ANKRD44: variants seen among roughly 807,000 people sequenced by gnomAD.
The protein encoded by ANKRD44 is serine/threonine-protein phosphatase 6 regulatory ankyrin repeat subunit B.
Under a neutral mutation model 116.0 loss-of-function variants are expected in ANKRD44, and 35 were observed. That is an observed-to-expected ratio of 0.30 (90% CI 0.23 to 0.40). The LOEUF is 0.40. ANKRD44 is among the 10% of genes least tolerant of loss of function. The pLI is 1.00. For synonymous variants in ANKRD44, 435 were observed against 461.8 expected (o/e 0.94, Z 0.74); for missense variants, 1,014 against 1,242.6 (o/e 0.82, Z 2.77).
At chr2:197,257,109 G>T (rs377341677) in intron 1 of ANKRD44, among the ~76,000 whole-genome samples, 6 of 152,192 alleles carry the variant, frequency 3.9e-5, no homozygotes, top group Non-Finnish European at 8.8e-5. Context: ...CACAGGTTTA[G>T]TGTTTAAAAT....
chr2:197,002,059 A>G (rs1574251325), intron 21 of ANKRD44, among the ~76,000 whole-genome samples: 1 of 152,374 alleles, frequency 6.6e-6, no homozygotes, highest in Non-Finnish European at 1.5e-5. Flanking sequence ...TGAAGGTCAT[A>G]TGGTCTGGTG....
Position 197,274,244 on chromosome 2 carries a change from T to C in ANKRD44, c.27+36334A>G, listed in dbSNP as rs115228668. 4.4e-3 allele frequency among the ~76,000 whole-genome samples: 674 copies of C among 152,158 alleles called. 3 individuals carry two copies. Among genetic ancestry groups the C allele is most frequent in the African/African-American group, 0.016 (647 of 41,502 alleles). On this transcript the variant is annotated intron_variant, in intron 1 of 27. Transcript: ENST00000282272. ...ATCAGGGAAGTTAGTGAAAATTCTC[T>C]CAGCCTCAGTTTCCTCATCTATAAA... is the stretch of plus-strand genomic sequence containing the variant.
intron 16 of ANKRD44, among the ~76,000 whole-genome samples, chr2:197,058,494 A>C (rs2077246414): frequency 6.6e-6 from 1 of 152,136 alleles, no homozygotes; most frequent in African/African-American, 2.4e-5. Context: ...AGATGAGGAA[A>C]AAATAATAGA....
At chr2:196,970,487 A>T (rs2075707513) in intron 21 of ANKRD44, among the ~76,000 whole-genome samples, 1 of 152,126 alleles carries the variant, frequency 6.6e-6, no homozygotes, top group African/African-American at 2.4e-5. Flanking sequence ...GATGGCTCTT[A>T]TTGGAGCATC....
At chr2:197,111,884 G>GA (rs2078577073) in intron 8 of ANKRD44, among the ~76,000 whole-genome samples, 1 of 152,064 alleles carries the variant, frequency 6.6e-6, no homozygotes, top group South Asian at 2.1e-4. Flanking sequence ...AACTGTTTAG[G>GA]AAACTGCCTT....
chr2:197,097,802 C>A (rs149221724), intron 10 of ANKRD44, among the ~76,000 whole-genome samples: 2 of 152,156 alleles, frequency 1.3e-5, no homozygotes, highest in Non-Finnish European at 2.9e-5. Context: ...CTGTTCTACG[C>A]CCACTTAGAA....
chr2:197,123,063 T>C, intron 6 of ANKRD44, among the ~76,000 whole-genome samples: 1 of 152,230 alleles, frequency 6.6e-6, no homozygotes, highest in East Asian at 1.9e-4. Flanking sequence ...ACCACACTAA[T>C]GAATAATGGT....
chr2:197,230,319 C>A (rs536681546), intron 1 of ANKRD44, among the ~76,000 whole-genome samples: 2 of 152,096 alleles, frequency 1.3e-5, no homozygotes, highest in Non-Finnish European at 2.9e-5. Context: ...CTACTATGAA[C>A]TCAACATTCA....
chr2:197,095,453 A>T (rs1343320923), intron 10 of ANKRD44, among the ~76,000 whole-genome samples: 2 of 152,226 alleles, frequency 1.3e-5, no homozygotes, highest in African/African-American at 4.8e-5. Context: ...TGCCAAGTCC[A>T]CTGTTCCACC....
chr2:197,168,127 A>G (rs2080141294), intron 2 of ANKRD44, among the ~76,000 whole-genome samples: 1 of 152,186 alleles, frequency 6.6e-6, no homozygotes, highest in Non-Finnish European at 1.5e-5. Flanking sequence ...CAGCCACCGG[A>G]CATGTGAGTG....
intron 16 of ANKRD44, among the ~76,000 whole-genome samples, chr2:197,068,356 T>A (rs180994037): frequency 3.8e-4 from 39 of 102,054 alleles, no homozygotes; most frequent in East Asian, 8.2e-4. Context: ...AAACTTAGAG[T>A]ATAATAAAAA....
intron 10 of ANKRD44, among the ~76,000 whole-genome samples, chr2:197,093,210 T>C (rs1017611101): frequency 5.3e-5 from 8 of 152,078 alleles, no homozygotes; most frequent in Admixed American, 2.6e-4. Flanking sequence ...TGTATCTTTA[T>C]GTAAAATAAT....
intron 1 of ANKRD44, among the ~76,000 whole-genome samples, chr2:197,280,658 C>T (rs1046717178): frequency 6.6e-6 from 1 of 152,090 alleles, no homozygotes; most frequent in Non-Finnish European, 1.5e-5. Context: ...GAGATTTTGG[C>T]GGACTAGGGA....
chr2:197,147,148 G>A, intron 2 of ANKRD44, 43 bp from the exon 3 acceptor site: 1 of 1,558,272 alleles, frequency 6.4e-7, no homozygotes, highest in Non-Finnish European at 8.8e-7. Context: ...GTCAGTGGCA[G>A]CTGGAGGTCC....
intron 1 of ANKRD44, among the ~76,000 whole-genome samples, chr2:197,218,872 G>C (rs1348819566): frequency 7.0e-6 from 1 of 143,472 alleles, no homozygotes; most frequent in Non-Finnish European, 1.5e-5. Flanking sequence ...CAATTCTCCT[G>C]CCTCAGCCTC....
chr2:197,042,733 C>T (rs148127737), intron 16 of ANKRD44, among the ~76,000 whole-genome samples: 3 of 152,158 alleles, frequency 2.0e-5, no homozygotes, highest in African/African-American at 4.8e-5. Flanking sequence ...AGTTTTACAA[C>T]CTCAGCTGAG....
intron 1 of ANKRD44, among the ~76,000 whole-genome samples, chr2:197,296,764 A>G (rs2083735369): frequency 6.6e-6 from 1 of 152,216 alleles, no homozygotes; most frequent in African/African-American, 2.4e-5. Flanking sequence ...TGATGTTTAA[A>G]TTATCTGCTC....
intron 4 of ANKRD44, among the ~76,000 whole-genome samples, chr2:197,129,528 T>C (rs2079052252): frequency 6.6e-6 from 1 of 152,176 alleles, no homozygotes. Flanking sequence ...GTTTTAGGAT[T>C]GTAGGCCTTG....
At chr2:197,081,524 T>C in intron 15 of ANKRD44, 121 bp downstream of exon 15, 4 of 811,078 alleles carry the variant, frequency 4.9e-6, no homozygotes, top group South Asian at 4.5e-5. Context: ...GGCAAGCCCA[T>C]ATCACTTCCT....
Sources: allele counts gnomAD v4.1 joint callset (sites outside exome capture counted in the v4.1 genomes callset), GRCh38; gene constraint gnomAD v4.1.1; transcripts MANE v1.5; gene names NCBI Gene and HGNC (gene_info 2026-07-23, HGNC 2026-07-21).